The following PIK3CB variants were observed in gnomAD, a reference collection of about 807,000 sequenced individuals.
The protein encoded by PIK3CB is phosphatidylinositol-4,5-bisphosphate 3-kinase catalytic subunit beta, also known as phosphatidylinositol 4,5-bisphosphate 3-kinase catalytic subunit beta isoform.
A neutral mutation model predicts 136.8 loss-of-function variants in PIK3CB; 39 were observed. That is an observed-to-expected ratio of 0.29 (90% confidence interval 0.22 to 0.37). The LOEUF is 0.37. Among genes scored for constraint, PIK3CB ranks in the 10% least tolerant of loss-of-function variants. The pLI, the probability that PIK3CB is intolerant of heterozygous loss-of-function variation, is 1.00. For synonymous variants in PIK3CB, 428 were observed against 436.6 expected, an observed-to-expected ratio of 0.98 and a Z score of 0.25; for missense variants, 868 against 1,275.4, an observed-to-expected ratio of 0.68 and a Z score of 4.87.
intron 20 of PIK3CB, among the ~76,000 whole-genome samples, chr3:138,664,293 G>C (rs1038106007): frequency 3.3e-5 from 5 of 152,068 alleles, no homozygotes; most frequent in African/African-American, 1.2e-4. Context: ...GTGGGGCTGT[G>C]AGTAGACTAA....
At chr3:138,810,812 C>T (rs930507878) in intron 1 of PIK3CB, among the ~76,000 whole-genome samples, 1 of 151,954 alleles carries the variant, frequency 6.6e-6, no homozygotes, top group South Asian at 2.1e-4. Flanking sequence ...CCCAGCTACT[C>T]GGGAGGCTGA....
intron 1 of PIK3CB, among the ~76,000 whole-genome samples, chr3:138,803,260 C>G (rs752363469): frequency 1.2e-4 from 18 of 152,148 alleles, no homozygotes; most frequent in Non-Finnish European, 1.5e-5. Flanking sequence ...AGGGAGAGTT[C>G]CAGAGACTGG....
At position 138,670,681 on chromosome 3, in the gene PIK3CB, A is replaced by G. The variant is rs114537979; in HGVS notation, c.2505-5478T>C. Among the ~76,000 whole-genome samples, 304 of 152,300 alleles carry G rather than the reference A, an allele frequency of 2.0e-3. 2 individuals carry two copies. Among genetic ancestry groups the G allele is most frequent in the African/African-American group, 6.9e-3 (287 of 41,568 alleles). On this transcript the variant is annotated intron_variant, in intron 19 of 23. Coordinates refer to ENST00000674063, the MANE Select transcript of PIK3CB (RefSeq NM_006219.3). ...AGCAGACAGTTTATTCTAATGACCT[A>G]TTCCTCTTATCTATGCAGTATACCT...
At chr3:138,818,109 T>C (rs1576430961) in intron 1 of PIK3CB, among the ~76,000 whole-genome samples, 1 of 152,148 alleles carries the variant, frequency 6.6e-6, no homozygotes, top group Non-Finnish European at 1.5e-5. Context: ...CTGGGTAACA[T>C]AGTAAGACCC....
At position 138,652,704 on chromosome 3, in the gene PIK3CB, T is replaced by C. The variant is rs747409942; in HGVS notation, c.*2685A>G. ...ATTTGATAGCACAACAGAGTAACTATAGTCGATAATTTAATTATAGATCTT... is the reference window on the plus strand; with the variant it reads ...ATTTGATAGCACAACAGAGTAACTACAGTCGATAATTTAATTATAGATCTT... On this transcript the variant is annotated 3_prime_UTR_variant, in exon 24 of 24. Transcript: ENST00000674063. 4.8e-6 allele frequency: 1 copy of C among 207,168 alleles called. No homozygotes were observed. The highest frequency in any genetic ancestry group is 9.8e-6 in the Non-Finnish European group (1 of 101,786). 12.8% of individuals were successfully genotyped at this position (207,168 alleles called of 1,614,324 possible).
intron 2 of PIK3CB, among the ~76,000 whole-genome samples, chr3:138,761,891 G>C (rs1482173945): frequency 2.0e-5 from 3 of 150,774 alleles, no homozygotes; most frequent in Non-Finnish European, 4.4e-5. Context: ...AGTTAGCTGA[G>C]ATCACGCCAC....
At chr3:138,816,151 A>ATAT (rs1394380769) in intron 1 of PIK3CB, among the ~76,000 whole-genome samples, 1 of 152,046 alleles carries the variant, frequency 6.6e-6, no homozygotes, top group Non-Finnish European at 1.5e-5. Context: ...AAAAATACAA[A>ATAT]TATTAGCCAG....
chr3:138,766,504 G>A (rs2045734473), intron 2 of PIK3CB, among the ~76,000 whole-genome samples: 1 of 152,000 alleles, frequency 6.6e-6, no homozygotes, highest in Non-Finnish European at 1.5e-5. Flanking sequence ...GCATCATAAA[G>A]AAAAATTTTA....
At chr3:138,721,236 C>A (rs895331076) in intron 8 of PIK3CB, among the ~76,000 whole-genome samples, 11 of 152,022 alleles carry the variant, frequency 7.2e-5, no homozygotes, top group African/African-American at 2.7e-4. Flanking sequence ...GATCTCGGCT[C>A]ACTGCAACAT....
intron 8 of PIK3CB, among the ~76,000 whole-genome samples, chr3:138,715,461 C>G (rs929325921): frequency 6.6e-6 from 1 of 152,014 alleles, no homozygotes. Context: ...GTTTTTATAC[C>G]AGTTTATTCA....
intron 1 of PIK3CB, among the ~76,000 whole-genome samples, chr3:138,816,240 C>A (rs114599439): frequency 0.032 from 4,834 of 152,084 alleles, 83 homozygotes; most frequent in East Asian, 0.056. Context: ...GAGATTGAAG[C>A]TGTAGTGAGC....
chr3:138,771,693 T>C (rs573768682), intron 2 of PIK3CB, among the ~76,000 whole-genome samples: 27 of 152,270 alleles, frequency 1.8e-4, no homozygotes, highest in Non-Finnish European at 2.5e-4. Context: ...GATGGCACTC[T>C]AAACAGCTTT....
intron 10 of PIK3CB, among the ~76,000 whole-genome samples, chr3:138,711,240 C>T (rs2044491232): frequency 6.8e-6 from 1 of 147,718 alleles, no homozygotes; most frequent in African/African-American, 2.5e-5. Flanking sequence ...AAAAAACCTA[C>T]AAAAAATGCT....
chr3:138,827,822 A>C (rs1020741362), intron 1 of PIK3CB, among the ~76,000 whole-genome samples: 4 of 149,336 alleles, frequency 2.7e-5, no homozygotes, highest in Admixed American at 1.3e-4. Context: ...TACTAAAAAA[A>C]TACAAAAAAA....
At chr3:138,664,949 TAAC>T in intron 20 of PIK3CB, 84 bp downstream of exon 20, 1 of 831,066 alleles carries the variant, frequency 1.2e-6, no homozygotes, top group South Asian at 2.9e-5. Context: ...ATATTTCCTC[TAAC>T]ACACTGCTGA....
intron 19 of PIK3CB, among the ~76,000 whole-genome samples, chr3:138,670,467 G>A (rs771897335): frequency 4.6e-5 from 7 of 152,128 alleles, no homozygotes; most frequent in Non-Finnish European, 8.8e-5. Context: ...CTTTATATAG[G>A]AGGAGTTGGT....
chr3:138,798,980 T>C (rs2046139865), intron 1 of PIK3CB, among the ~76,000 whole-genome samples: 1 of 151,946 alleles, frequency 6.6e-6, no homozygotes, highest in Admixed American at 6.6e-5. Context: ...TGTAATCCAG[T>C]TACTTGGGAG....
chr3:138,801,597 G>A (rs547625808), intron 1 of PIK3CB, among the ~76,000 whole-genome samples: 13 of 152,030 alleles, frequency 8.6e-5, no homozygotes, highest in East Asian at 1.9e-4. Context: ...TTAGCCAGGC[G>A]CGGTAGCTCA....
At chr3:138,712,337 T>C in intron 9 of PIK3CB, 33 bp from the exon 10 acceptor site, 1 of 995,520 alleles carries the variant, frequency 1.0e-6, no homozygotes, top group Middle Eastern at 2.1e-4. Flanking sequence ...ATAAATATGC[T>C]AAGAATAACT....
Sources: allele counts gnomAD v4.1 joint callset (sites outside exome capture counted in the v4.1 genomes callset), GRCh38; gene constraint gnomAD v4.1.1; transcripts MANE v1.5; gene names NCBI Gene and HGNC (gene_info 2026-07-23, HGNC 2026-07-21).